CIART: variants seen among roughly 807,000 people sequenced by gnomAD.
CIART encodes the protein circadian-associated transcriptional repressor.
In CIART, 7 loss-of-function variants were observed where a neutral mutation model predicts 22.1. The observed-to-expected ratio is 0.32, with a 90% CI of 0.18 to 0.59. CIART has a LOEUF of 0.59. Ranked by LOEUF, CIART falls within the 20% of genes least tolerant of loss-of-function variation. The pLI is 0.86. For missense variants in CIART, 440 were observed against 478.0 expected (o/e 0.92, Z 0.74); for synonymous variants, 163 against 174.6 (o/e 0.93, Z 0.53).
intron 1 of CIART, 31 bp from the exon 2 acceptor site, chr1:150,283,771 GTCT>G: frequency 6.4e-7 from 1 of 1,553,838 alleles, no homozygotes; most frequent in Non-Finnish European, 8.9e-7. Flanking sequence ...GCAGTTTTTT[GTCT>G]TCTTACAGCC....
chr1:150,286,552 A>G lies in CIART; in HGVS notation c.756A>G (p.Gln252=), dbSNP rs1553854669. 3 of 1,602,972 alleles carry G rather than the reference A, an allele frequency of 1.9e-6. No homozygotes were observed. Among genetic ancestry groups the G allele is most frequent in the Non-Finnish European group, 2.6e-6 (3 of 1,170,600 alleles). The change falls in exon 5 of 5, where the codon CAA becomes CAG. Residue 252 remains glutamine (Q), a synonymous_variant. Transcript: ENST00000290363. ...LKPKQPWHLT[Q]WPAMNLTWIH... Reference sequence around the variant, plus strand: ...CAAAGCAGCCTTGGCACCTCACACAATGGCCAGCTATGAACCTCACCTGGA... The same window carrying G: ...CAAAGCAGCCTTGGCACCTCACACAGTGGCCAGCTATGAACCTCACCTGGA...
At chr1:150,286,055 C>T (rs895882490) in intron 4 of CIART, among the ~76,000 whole-genome samples, 6 of 151,858 alleles carry the variant, frequency 4.0e-5, no homozygotes, top group South Asian at 2.1e-4. Context: ...ATAGAATATT[C>T]GAATTTAAAT....
Position 150,284,667 on chromosome 1 carries a change from C to T in CIART, c.592C>T (p.Gln198Ter). 1 of 1,613,820 alleles carries T rather than the reference C, an allele frequency of 6.2e-7. No homozygotes were observed. Among genetic ancestry groups the T allele is most frequent in the Non-Finnish European group, 8.5e-7 (1 of 1,179,768 alleles). ...GACTTGGTTTCCACAAATAGCTGCCCAGAAGTCATCATTGGGTGGTGGCAA... is the reference window on the plus strand; with the variant it reads ...GACTTGGTTTCCACAAATAGCTGCCTAGAAGTCATCATTGGGTGGTGGCAA... ...LKTWFPQIAA[Q>*]KSSLGGGKHQ... Residue 198 changes from glutamine (Q) to a stop codon, truncating the protein, a stop_gained, in exon 4 of 5, where the codon CAG (glutamine) becomes TAG (stop). Coordinates refer to ENST00000290363, the MANE Select transcript of CIART (RefSeq NM_144697.4). LOFTEE classifies it low-confidence loss of function (END_TRUNC).
At chr1:150,284,003 T>TTTATTCTTATTATTATTATTA in intron 2 of CIART, 123 bp downstream of exon 2, 1 of 489,718 alleles carries the variant, frequency 2.0e-6, no homozygotes. Flanking sequence ...CTACTATGAC[T>TTTATTCTTATTATTATTATTA]TTATTATTAT....
chr1:150,284,685 G>A lies in CIART; in HGVS notation c.610G>A (p.Gly204Ser), dbSNP rs782192608. 9.3e-6 allele frequency: 15 copies of A among 1,612,978 alleles called. No individual in the cohort carries two copies. Among genetic ancestry groups the A allele is most frequent in the Non-Finnish European group, 1.3e-5 (15 of 1,179,068 alleles). Residue 204 changes from glycine to serine, a missense_variant, in exon 4 of 5, where the codon GGT becomes AGT. Physicochemically the swap from Gly to Ser is moderately conservative, Grantham distance 56. Transcript: ENST00000290363. ...AGCTGCCCAGAAGTCATCATTGGGT[G>A]GTGGCAAGCATCAGCTGACCAAGGT... ...QIAAQKSSLG[G>S]GKHQLTKHFP...
intron 4 of CIART, chr1:150,285,098 C>G (rs1332855251): frequency 8.1e-6 from 2 of 246,866 alleles, no homozygotes; most frequent in Non-Finnish European, 1.6e-5. Flanking sequence ...TCATTTCTGC[C>G]CACGTATCCT....
chr1:150,284,145 G>A (rs1257007096), intron 2 of CIART, among the ~76,000 whole-genome samples: 1 of 151,882 alleles, frequency 6.6e-6, no homozygotes, highest in African/African-American at 2.4e-5. Context: ...AGCCTCCCCA[G>A]TCGCTGGGAT....
chr1:150,284,216 G>T (rs1390402899), intron 2 of CIART, among the ~76,000 whole-genome samples: 6 of 151,690 alleles, frequency 4.0e-5, no homozygotes, highest in Admixed American at 2.6e-4. Flanking sequence ...ATGGGGTTTC[G>T]CTATGTTGGC....
At chr1:150,284,986 G>A (rs938401598) in intron 4 of CIART, 6 of 438,940 alleles carry the variant, frequency 1.4e-5, no homozygotes, top group Non-Finnish European at 2.0e-5. Context: ...GATACAAAAG[G>A]CTTTTTACCT....
Position 150,283,595 on chromosome 1 carries a change from G to A in CIART, c.328G>A (p.Gly110Ser). 6.2e-7 allele frequency: 1 copy of A among 1,613,968 alleles called. No individual in the cohort carries two copies. The highest frequency in any genetic ancestry group is 8.5e-7 in the Non-Finnish European group (1 of 1,179,832). The change falls in exon 1 of 5, where the codon GGT becomes AGT. Residue 110 changes from glycine (G) to serine (S), a missense_variant. Physicochemically the swap from Gly to Ser is moderately conservative, Grantham distance 56. Transcript: ENST00000290363. Reference sequence around the variant, plus strand: ...ACTGGAGACCAGTCTAAACACCCAAGGTTGTACCACAGAGGGAGACCTGCT... The same window carrying A: ...ACTGGAGACCAGTCTAAACACCCAAAGTTGTACCACAGAGGGAGACCTGCT... ...GELETSLNTQ[G>S]CTTEGDLLFA... is the part of the protein sequence containing the mutation.
intron 2 of CIART, 143 bp downstream of exon 2, chr1:150,284,023 T>C (rs1653328605): frequency 2.1e-6 from 1 of 466,864 alleles, no homozygotes; most frequent in Admixed American, 4.1e-5. Context: ...TTATTATTAT[T>C]ATTATTATTT....
chr1:150,284,951 C>T lies in CIART; in HGVS notation c.633+243C>T, dbSNP rs1572130347. Reference sequence around the variant, plus strand: ...ATGAAGTTTAATCCTATCCCTCATGCCACAGCTTATCTGCTTTCTGCGTAG... The same window carrying T: ...ATGAAGTTTAATCCTATCCCTCATGTCACAGCTTATCTGCTTTCTGCGTAG... On this transcript the variant is annotated intron_variant, in intron 4 of 4. Coordinates refer to ENST00000290363, the MANE Select transcript of CIART (RefSeq NM_144697.4). The T allele has an allele frequency of 9.3e-6, 5 of 539,080 alleles. No homozygotes were observed. In the East Asian group the frequency reaches 1.6e-4, roughly 18 times the overall value. 33.4% of individuals were successfully genotyped at this position (539,080 alleles called of 1,614,324 possible). A position where few individuals can be genotyped will look rare whatever the true frequency, so the allele number is the denominator to read the frequency against.
In CIART at chr1:150,283,202, C is replaced by G. The variant is rs1653249477; in HGVS notation, c.-66C>G. 5 of 1,430,422 alleles carry G rather than the reference C, an allele frequency of 3.5e-6. No homozygotes were observed. Among genetic ancestry groups the G allele is most frequent in the Non-Finnish European group, 4.7e-6 (5 of 1,070,074 alleles). 88.6% of individuals were successfully genotyped at this position (1,430,422 alleles called of 1,614,324 possible). A position where few individuals can be genotyped will look rare whatever the true frequency, so the allele number is the denominator to read the frequency against. ...TGGTTTCAAACTCCCTCGCTTTGCT[C>G]TTCAGTTGCAGGTTCCGATCTTTGG... On this transcript the variant is annotated 5_prime_UTR_variant, in exon 1 of 5. Coordinates refer to ENST00000290363, the MANE Select transcript of CIART (RefSeq NM_144697.4).
Position 150,286,743 on chromosome 1 carries a change from C to T in CIART, c.947C>T (p.Thr316Ile). The T allele has an allele frequency of 6.2e-7, 1 of 1,612,712 alleles. No homozygotes were observed. Among genetic ancestry groups the T allele is most frequent in the Non-Finnish European group, 8.5e-7 (1 of 1,178,708 alleles). ...SAPTTPVPPT[T>I]ASPVIPGEPM... is the part of the protein sequence containing the mutation. ...CCAACCACCCCAGTCCCACCTACTACAGCATCTCCTGTCATCCCTGGTGAG... is the reference window on the plus strand; with the variant it reads ...CCAACCACCCCAGTCCCACCTACTATAGCATCTCCTGTCATCCCTGGTGAG... The change falls in exon 5 of 5, where the codon ACA becomes ATA. Residue 316 changes from threonine to isoleucine, a missense_variant. Thr to Ile is a moderately conservative substitution (Grantham distance 89, BLOSUM62 -1). Transcript: ENST00000290363.
Position 150,286,553 on chromosome 1 carries a change from TG to T in CIART, c.759del (p.Trp253CysfsTer4). On this transcript the variant is annotated frameshift_variant, in exon 5 of 5. Coordinates refer to ENST00000290363, the MANE Select transcript of CIART (RefSeq NM_144697.4). LOFTEE classifies it low-confidence loss of function (END_TRUNC). ...KPKQPWHLTQ[W>X]PAMNLTWIHT... ...AAAGCAGCCTTGGCACCTCACACAATGGCCAGCTATGAACCTCACCTGGATC... is the reference window on the plus strand; with the variant it reads ...AAAGCAGCCTTGGCACCTCACACAATGCCAGCTATGAACCTCACCTGGATC... 1 of 1,604,320 alleles carries T rather than the reference TG, an allele frequency of 6.2e-7. No individual in the cohort carries two copies. Among genetic ancestry groups the T allele is most frequent in the Non-Finnish European group, 8.5e-7 (1 of 1,171,156 alleles).
chr1:150,286,221 C>T (rs1032855523), intron 4 of CIART, among the ~76,000 whole-genome samples: 3 of 152,018 alleles, frequency 2.0e-5, no homozygotes, highest in Admixed American at 6.5e-5. Context: ...CATAGTAGGC[C>T]ATTTATTTGT....
At chr1:150,285,535 T>TAA (rs5777719) in intron 4 of CIART, 53,693 of 144,374 alleles carry the variant, frequency 0.37, 11,506 homozygotes, top group Non-Finnish European at 0.49. Flanking sequence ...AAACTCCATC[T>TAA]AAAAAAAAAA....
Position 150,283,176 on chromosome 1 carries a change from C to T in CIART, c.-92C>T, listed in dbSNP as rs919039161. The T allele has an allele frequency of 7.5e-7, 1 of 1,337,466 alleles. No homozygotes were observed. Among genetic ancestry groups the T allele is most frequent in the Non-Finnish European group, 1.0e-6 (1 of 993,234 alleles). The allele number at this position is 1,337,466 out of a possible 1,614,324, so 82.8% of individuals were successfully genotyped here. On this transcript the variant is annotated 5_prime_UTR_variant, in exon 1 of 5. Coordinates refer to ENST00000290363, the MANE Select transcript of CIART (RefSeq NM_144697.4). ...CAGTTCATTTCCTAATCCTTAAACT[C>T]TGGTTTCAAACTCCCTCGCTTTGCT...
Position 150,284,682 on chromosome 1 carries a change from G to A in CIART, c.607G>A (p.Gly203Ser). ...PQIAAQKSSL[G>S]GGKHQLTKHF... ...AATAGCTGCCCAGAAGTCATCATTG[G>A]GTGGTGGCAAGCATCAGCTGACCAA... Residue 203 changes from glycine (G) to serine (S), a missense_variant, in exon 4 of 5, where the codon GGT becomes AGT. By Grantham distance (56) the Gly-to-Ser change is moderately conservative. Coordinates refer to ENST00000290363, the MANE Select transcript of CIART (RefSeq NM_144697.4). 1 of 1,613,442 alleles carries A rather than the reference G, an allele frequency of 6.2e-7. No individual in the cohort carries two copies. Among genetic ancestry groups the A allele is most frequent in the South Asian group, 1.1e-5 (1 of 91,068 alleles).
Sources: allele counts gnomAD v4.1 joint callset (sites outside exome capture counted in the v4.1 genomes callset), GRCh38; gene constraint gnomAD v4.1.1; transcripts MANE v1.5; gene names NCBI Gene and HGNC (gene_info 2026-07-23, HGNC 2026-07-21).